BHMT2: variants seen among roughly 807,000 people sequenced by gnomAD.
The protein encoded by BHMT2 is S-methylmethionine--homocysteine S-methyltransferase BHMT2.
BHMT2 carries 28 observed loss-of-function variants against 39.0 expected under a neutral mutation model. That is an observed-to-expected ratio of 0.72 (90% CI 0.53 to 0.98). BHMT2 has a LOEUF of 0.98. BHMT2 is among the 50% of genes least tolerant of loss of function. BHMT2 has a pLI of 0.00. For missense variants in BHMT2, 410 were observed against 455.6 expected (o/e 0.90, Z 0.91); for synonymous variants, 145 against 160.6 (o/e 0.90, Z 0.74).
chr5:79,081,067 C>G, intron 4 of BHMT2, 189 bp downstream of exon 4: 1 of 540,046 alleles, frequency 1.9e-6, no homozygotes, highest in Non-Finnish European at 3.1e-6. Flanking sequence ...TCTCTTAGAG[C>G]CAAAGGACAG....
intron 1 of BHMT2, among the ~76,000 whole-genome samples, chr5:79,072,172 CAGG>C (rs1156433025): frequency 3.3e-5 from 5 of 151,896 alleles, no homozygotes; most frequent in Non-Finnish European, 7.4e-5. Context: ...GAGGCTGAGG[CAGG>C]AGAATTGCTT....
chr5:79,088,432 G>A (rs996599140), intron 7 of BHMT2, 61 bp from the exon 8 acceptor site: 87 of 1,162,396 alleles, frequency 7.5e-5, no homozygotes, highest in East Asian at 3.4e-4. Context: ...ATACATATAT[G>A]ACATATTGGA....
At chr5:79,080,399 A>G (rs1755762513) in intron 3 of BHMT2, among the ~76,000 whole-genome samples, 1 of 152,216 alleles carries the variant, frequency 6.6e-6, no homozygotes, top group Non-Finnish European at 1.5e-5. Flanking sequence ...TCCATTCTCT[A>G]TGTTAGACTC....
chr5:79,088,760 A>T lies in BHMT2; in HGVS notation c.*186A>T. ...TGCATATTGAGCTCCTGCTGTGGTT[A>T]AGCACTGCAACAGACTCTACCAGAG... is the stretch of plus-strand genomic sequence containing the variant. On this transcript the variant is annotated 3_prime_UTR_variant, in exon 8 of 8. Transcript: ENST00000255192. 1.8e-6 allele frequency: 1 copy of T among 540,604 alleles called. No homozygotes were observed. Among genetic ancestry groups the T allele is most frequent in the Non-Finnish European group, 3.4e-6 (1 of 294,232 alleles). 33.5% of individuals were successfully genotyped at this position (540,604 alleles called of 1,614,324 possible).
At chr5:79,074,799 G>C (rs1457363865) in intron 1 of BHMT2, among the ~76,000 whole-genome samples, 1 of 152,212 alleles carries the variant, frequency 6.6e-6, no homozygotes, top group East Asian at 1.9e-4. Flanking sequence ...GGCTTCCCTT[G>C]CAGCAAGGTA....
chr5:79,077,148 G>C (rs899250712), intron 1 of BHMT2, among the ~76,000 whole-genome samples: 1 of 152,188 alleles, frequency 6.6e-6, no homozygotes, highest in African/African-American at 2.4e-5. Flanking sequence ...AAAAACAGGG[G>C]AGAGAATGCA....
chr5:79,074,127 C>T (rs191776673), intron 1 of BHMT2, among the ~76,000 whole-genome samples: 10 of 152,288 alleles, frequency 6.6e-5, no homozygotes, highest in Admixed American at 5.2e-4. Context: ...GCAGCCCCAG[C>T]CGGCCAATTC....
At chr5:79,086,037 G>A (rs1804022270) in intron 7 of BHMT2, among the ~76,000 whole-genome samples, 1 of 152,190 alleles carries the variant, frequency 6.6e-6, no homozygotes, top group Non-Finnish European at 1.5e-5. Context: ...GTCTTCAGAG[G>A]CTCCCACTGG....
intron 7 of BHMT2, among the ~76,000 whole-genome samples, chr5:79,087,621 TAAGTA>T (rs1260349505): frequency 2.0e-5 from 3 of 152,178 alleles, no homozygotes; most frequent in African/African-American, 7.2e-5. Context: ...CATTGTTTTG[TAAGTA>T]AAGTGGAAAA....
rs530492424 is a variant in BHMT2, at chr5:79,079,617, C to T, written c.258+157C>T. Among the ~76,000 whole-genome samples, 5 of 152,282 alleles carry T rather than the reference C, an allele frequency of 3.3e-5. No individual in the cohort carries two copies. In the East Asian group the frequency reaches 9.7e-4, roughly 29 times the overall value. The stretch of plus-strand genomic sequence containing the variant: ...ACGTGAAGATATATACTAAATAGGT[C>T]GGGCACAGTGGCTTACACCTGTAAT... On this transcript the variant is annotated intron_variant, in intron 3 of 7. Transcript: ENST00000255192.
intron 7 of BHMT2, among the ~76,000 whole-genome samples, chr5:79,088,208 C>T (rs1755943371): frequency 6.6e-6 from 1 of 152,026 alleles, no homozygotes; most frequent in African/African-American, 2.4e-5. Flanking sequence ...AATTGAAATA[C>T]GTTGTCTTTT....
chr5:79,076,797 G>A (rs576566491), intron 1 of BHMT2, among the ~76,000 whole-genome samples: 1 of 152,318 alleles, frequency 6.6e-6, no homozygotes, highest in South Asian at 2.1e-4. Context: ...CTGTTCAGTG[G>A]CTGACACGAA....
rs1363554879 is a variant in BHMT2 at position 79,077,504 on chromosome 5, G to T, written c.58G>T (p.Gly20Trp). 2 of 1,613,860 alleles carry T rather than the reference G, an allele frequency of 1.2e-6. No individual in the cohort carries two copies. Among genetic ancestry groups the T allele is most frequent in the Non-Finnish European group, 1.7e-6 (2 of 1,179,946 alleles). ...GGGGATTTTGGAGCGCCTGGAGAGT[G>T]GGGAGGTTGTGATTGGAGATGGCAG... ...KKGILERLES[G>W]EVVIGDGSFL... Residue 20 changes from glycine (G) to tryptophan (W), a missense_variant, in exon 2 of 8, where the codon GGG becomes TGG. Coordinates refer to ENST00000255192, the MANE Select transcript of BHMT2 (RefSeq NM_017614.5).
At position 79,083,538 on chromosome 5, in the gene BHMT2, G is replaced by A. The variant is rs1461604239; in HGVS notation, c.782-90G>A. The A allele has an allele frequency of 1.8e-5, 27 of 1,519,354 alleles. No homozygotes were observed. In the African/African-American group the frequency reaches 3.8e-4, roughly 21 times the overall value. 94.1% of individuals were successfully genotyped at this position (1,519,354 alleles called of 1,614,324 possible). Reference sequence around the variant, plus strand: ...AAGAATGCATCATCTAAAGTTTATAGTTTTTTTAATTGGAAAAACTGCTCA... The same window carrying A: ...AAGAATGCATCATCTAAAGTTTATAATTTTTTTAATTGGAAAAACTGCTCA... On this transcript the variant is annotated intron_variant, in intron 6 of 7. Transcript: ENST00000255192.
At chr5:79,078,139 T>G (rs1462670496) in intron 2 of BHMT2, 1 of 152,246 alleles carries the variant, frequency 6.6e-6, no homozygotes, top group African/African-American at 2.4e-5. Context: ...TGTGCATGGT[T>G]AAGTGTAACA....
chr5:79,071,540 A>G (rs1348895549), intron 1 of BHMT2, among the ~76,000 whole-genome samples: 15 of 152,210 alleles, frequency 9.9e-5, no homozygotes, highest in Admixed American at 9.8e-4. Context: ...ATATAAATGT[A>G]CTGCAAAATT....
chr5:79,078,357 T>C, intron 2 of BHMT2, among the ~76,000 whole-genome samples: 1 of 152,180 alleles, frequency 6.6e-6, no homozygotes, highest in East Asian at 1.9e-4. Flanking sequence ...CTTCTAACTC[T>C]TTTTTTGTGT....
At chr5:79,073,675 G>T (rs1230403050) in intron 1 of BHMT2, among the ~76,000 whole-genome samples, 3 of 152,182 alleles carry the variant, frequency 2.0e-5, no homozygotes, top group African/African-American at 7.2e-5. Context: ...TTCAGCTTTA[G>T]ATATAAAATA....
At chr5:79,082,545 T>C (rs933416326) in intron 4 of BHMT2, 34 of 274,484 alleles carry the variant, frequency 1.2e-4, no homozygotes, top group Non-Finnish European at 2.2e-4. Flanking sequence ...GGGTGTGTTT[T>C]CTTCTTTTTT....
Sources: allele counts gnomAD v4.1 joint callset (sites outside exome capture counted in the v4.1 genomes callset), GRCh38; gene constraint gnomAD v4.1.1; transcripts MANE v1.5; gene names NCBI Gene and HGNC (gene_info 2026-07-23, HGNC 2026-07-21).